Variants in CCDC66 observed in about 807,000 individuals in gnomAD.
CCDC66 encodes coiled-coil domain containing 66.
Under a neutral mutation model 128.3 loss-of-function variants are expected in CCDC66, and 133 were observed. That is an observed-to-expected ratio of 1.04 (90% CI 0.90 to 1.20). The LOEUF (loss-of-function observed/expected upper bound fraction) is 1.20. Ranked by LOEUF, CCDC66 falls within the 50% of genes most tolerant of loss-of-function variation. CCDC66 has a pLI of 0.00. For synonymous variants in CCDC66, 387 were observed against 357.0 expected, an observed-to-expected ratio of 1.08 and a Z score of -0.95; for missense variants, 1,126 against 1,075.5, an observed-to-expected ratio of 1.05 and a Z score of -0.66.
chr3:56,592,204 T>C (rs1360642574), intron 7 of CCDC66, among the ~76,000 whole-genome samples: 1 of 152,166 alleles, frequency 6.6e-6, no homozygotes, highest in Non-Finnish European at 1.5e-5. Flanking sequence ...CATGATTCAA[T>C]AGGGAAAGTC....
intron 3 of CCDC66, among the ~76,000 whole-genome samples, chr3:56,559,889 T>A (rs1297597863): frequency 6.6e-6 from 1 of 152,210 alleles, no homozygotes; most frequent in East Asian, 1.9e-4. Flanking sequence ...ACTAGTCATG[T>A]ATAGTTATTG....
At chr3:56,605,277 C>T (rs748426016) in intron 10 of CCDC66, among the ~76,000 whole-genome samples, 6 of 152,158 alleles carry the variant, frequency 3.9e-5, no homozygotes, top group South Asian at 2.1e-4. Flanking sequence ...TCTGTCAATT[C>T]GTAAAACTCA....
intron 3 of CCDC66, chr3:56,561,147 A>C: frequency 2.2e-6 from 1 of 449,454 alleles, no homozygotes; most frequent in Non-Finnish European, 4.5e-6. Context: ...TTTCCCTATT[A>C]AAAATTGCAA....
rs1461277467 is a variant in CCDC66 at position 56,593,924 on chromosome 3, T to C, written c.1320-20T>C. The C allele has an allele frequency of 8.1e-6, 13 of 1,612,536 alleles. No individual in the cohort carries two copies. Among genetic ancestry groups the C allele is most frequent in the Middle Eastern group, 1.7e-4 (1 of 6,060 alleles). The stretch of plus-strand genomic sequence containing the variant: ...CTACCTTTTTGAGGTTTTGAATAGC[T>C]AATGTATGTATCTTGCCAGCTTTCT... On this transcript the variant is annotated intron_variant, in intron 9 of 17. Transcript: ENST00000394672.
rs377469116 is a variant in CCDC66 at position 56,564,139 on chromosome 3, A to G, written c.544+14A>G. On this transcript the variant is annotated intron_variant, in intron 4 of 17. Coordinates refer to ENST00000394672, the MANE Select transcript of CCDC66 (RefSeq NM_001141947.3). ...AGGAGGCAAAAAGTAAGATTTTTCT[A>G]AAGTTTTCATGAATTTTGATTTTTT... 9.5e-6 allele frequency: 15 copies of G among 1,572,890 alleles called. No homozygotes were observed. Among genetic ancestry groups the G allele is most frequent in the Admixed American group, 3.9e-5 (2 of 51,370 alleles).
At chr3:56,572,721 A>G (rs2066812917) in intron 7 of CCDC66, 1 of 159,412 alleles carries the variant, frequency 6.3e-6, no homozygotes, top group African/African-American at 2.4e-5. Context: ...TCTTATAGAA[A>G]CCCTTCAAGT....
Position 56,593,111 on chromosome 3 carries a change from G to A in CCDC66, c.1068+10G>A. 6.4e-7 allele frequency: 1 copy of A among 1,561,586 alleles called. No individual in the cohort carries two copies. Among genetic ancestry groups the A allele is most frequent in the Non-Finnish European group, 8.7e-7 (1 of 1,149,114 alleles). On this transcript the variant is annotated intron_variant, in intron 8 of 17. Transcript: ENST00000394672. ...AATTATATATTCAAAGGTAACTTAT[G>A]AGGTTTTGTGGCTATAAAAGAAAAA...
Position 56,619,792 on chromosome 3 carries a change from G to C in CCDC66, c.2651G>C (p.Arg884Pro), listed in dbSNP as rs146236480. Reference sequence around the variant, plus strand: ...CTGGCTTTAGACTGTGGCCAAAAACGACAGCTATTTGATTCTGACTGTGTC... The same window carrying C: ...CTGGCTTTAGACTGTGGCCAAAAACCACAGCTATTTGATTCTGACTGTGTC... The part of the protein sequence containing the change: ...YQNSQDCGQK[R>P]QLFDSDCVRD... The change falls in exon 17 of 18, where the codon CGA becomes CCA. Residue 884 changes from arginine (R) to proline (P), a missense_variant. Arg to Pro is a moderately radical substitution (Grantham distance 103). Coordinates refer to ENST00000394672, the MANE Select transcript of CCDC66 (RefSeq NM_001141947.3). 299 of 1,613,790 alleles carry C rather than the reference G, an allele frequency of 1.9e-4. 1 individual carries two copies. In the Middle Eastern group the frequency reaches 8.6e-3, roughly 46 times the overall value.
At chr3:56,567,179 C>G in intron 6 of CCDC66, 126 bp downstream of exon 6, 1 of 617,032 alleles carries the variant, frequency 1.6e-6, no homozygotes, top group Non-Finnish European at 2.9e-6. Flanking sequence ...ATCAGGAGGG[C>G]AAGAGATCAA....
chr3:56,602,680 C>T (rs2073383493), intron 10 of CCDC66, among the ~76,000 whole-genome samples: 1 of 151,694 alleles, frequency 6.6e-6, no homozygotes, highest in Non-Finnish European at 1.5e-5. Context: ...TTCAGGGATT[C>T]GTCTTCTTCT....
chr3:56,587,306 G>C lies in CCDC66; in HGVS notation c.937-5664G>C, dbSNP rs554777801. On this transcript the variant is annotated intron_variant, in intron 7 of 17. Transcript: ENST00000394672. ...TAGAATGTTATAGTGGATTTTATTA[G>C]TTTGTTCTCTCATTACTGTAAAGAA... Among the ~76,000 whole-genome samples the C allele has an allele frequency of 1.0e-3, 153 of 151,952 alleles. 1 individual carries two copies. Among genetic ancestry groups the C allele is most frequent in the Middle Eastern group, 3.4e-3 (1 of 294 alleles).
intron 7 of CCDC66, among the ~76,000 whole-genome samples, chr3:56,583,841 G>C (rs1248461340): frequency 6.6e-6 from 1 of 151,672 alleles, no homozygotes; most frequent in African/African-American, 2.4e-5. Context: ...TGGCGGCCAG[G>C]AAGAGGGGCT....
At chr3:56,571,959 G>T (rs1036014880) in intron 7 of CCDC66, among the ~76,000 whole-genome samples, 2 of 152,252 alleles carry the variant, frequency 1.3e-5, no homozygotes, top group East Asian at 3.9e-4. Flanking sequence ...GACCTCAAGC[G>T]ATCCTCCCAC....
chr3:56,600,475 TA>T (rs1481457360), intron 10 of CCDC66, among the ~76,000 whole-genome samples: 1 of 152,032 alleles, frequency 6.6e-6, no homozygotes, highest in Non-Finnish European at 1.5e-5. Flanking sequence ...GAATGATTTA[TA>T]ATCCCTTCGG....
At chr3:56,577,975 T>A (rs1474073240) in intron 7 of CCDC66, among the ~76,000 whole-genome samples, 1 of 151,916 alleles carries the variant, frequency 6.6e-6, no homozygotes, top group Non-Finnish European at 1.5e-5. Flanking sequence ...GGTAGCTTGA[T>A]GGGGATAGCA....
chr3:56,586,782 C>T (rs2069843269), intron 7 of CCDC66, among the ~76,000 whole-genome samples: 1 of 151,820 alleles, frequency 6.6e-6, no homozygotes, highest in South Asian at 2.1e-4. Flanking sequence ...TACAGTGGCT[C>T]ATGCCTATAA....
At chr3:56,600,972 CTTTAG>C (rs1203535265) in intron 10 of CCDC66, among the ~76,000 whole-genome samples, 2 of 152,000 alleles carry the variant, frequency 1.3e-5, no homozygotes, top group Admixed American at 1.3e-4. Context: ...TGCAGAAGTT[CTTTAG>C]TTTAATTAGA....
chr3:56,583,554 G>A (rs558806957), intron 7 of CCDC66, among the ~76,000 whole-genome samples: 8 of 151,928 alleles, frequency 5.3e-5, no homozygotes, highest in South Asian at 4.2e-4. Context: ...GTCTTGCACC[G>A]CCCTTAATCC....
At chr3:56,588,059 G>C (rs1347049405) in intron 7 of CCDC66, among the ~76,000 whole-genome samples, 1 of 152,176 alleles carries the variant, frequency 6.6e-6, no homozygotes, top group Non-Finnish European at 1.5e-5. Flanking sequence ...ATCAGTCAAT[G>C]AGTGGATAAA....
Sources: allele counts gnomAD v4.1 joint callset (sites outside exome capture counted in the v4.1 genomes callset), GRCh38; gene constraint gnomAD v4.1.1; transcripts MANE v1.5; gene names NCBI Gene and HGNC (gene_info 2026-07-23, HGNC 2026-07-21).